The following EP300 variants were observed in gnomAD, a reference collection of about 807,000 sequenced individuals.
EP300 encodes the protein EP300 lysine acetyltransferase.
EP300 carries 31 observed loss-of-function variants against 264.0 expected under a neutral mutation model. That is an observed-to-expected ratio of 0.12 (90% CI 0.09 to 0.16). The LOEUF (loss-of-function observed/expected upper bound fraction) is 0.16. EP300 is among the 10% of genes least tolerant of loss of function. The probability of loss-of-function intolerance (pLI) is 1.00; values close to 1 mark genes in which losing one functional copy is unlikely to be tolerated. For synonymous variants in EP300, 1,340 were observed against 1,045.4 expected, an observed-to-expected ratio of 1.28 and a Z score of -5.44; for missense variants, 2,766 against 3,052.9, an observed-to-expected ratio of 0.91 and a Z score of 2.21.
intron 8 of EP300, among the ~76,000 whole-genome samples, chr22:41,138,305 A>G (rs2058963599): frequency 6.6e-6 from 1 of 152,164 alleles, no homozygotes; most frequent in African/African-American, 2.4e-5. Flanking sequence ...CTGGGACTAC[A>G]GGCACGTGCC....
At chr22:41,158,813 C>T (rs2059091947) in intron 19 of EP300, 1 of 333,030 alleles carries the variant, frequency 3.0e-6, no homozygotes, top group South Asian at 3.4e-5. Flanking sequence ...TTGATCACCA[C>T]AGCCTGAGGC....
At chr22:41,147,572 A>G (rs2059018513) in intron 11 of EP300, among the ~76,000 whole-genome samples, 1 of 151,966 alleles carries the variant, frequency 6.6e-6, no homozygotes, top group South Asian at 2.1e-4. Flanking sequence ...CCCCGTCTCT[A>G]CTAAAAATAC....
chr22:41,135,919 G>A lies in EP300; in HGVS notation c.1622+13G>A, dbSNP rs750434376. The A allele has an allele frequency of 1.3e-5, 21 of 1,579,940 alleles. No individual in the cohort carries two copies. Among genetic ancestry groups the A allele is most frequent in the Admixed American group, 1.7e-5 (1 of 59,962 alleles). ...TAAATTCTCAAAAGTAAGTCTTAAC[G>A]TGATTTATACCCTGGGTCACATTAC... On this transcript the variant is annotated intron_variant, in intron 7 of 30. Coordinates refer to ENST00000263253, the MANE Select transcript of EP300 (RefSeq NM_001429.4).
chr22:41,116,143 T>G (rs2058820148), intron 1 of EP300, among the ~76,000 whole-genome samples: 1 of 152,184 alleles, frequency 6.6e-6, no homozygotes, highest in Non-Finnish European at 1.5e-5. Context: ...TAATGGGTGT[T>G]GCACTTTTTT....
chr22:41,178,331 A>G lies in EP300; in HGVS notation c.6620A>G (p.Asn2207Ser). 4 of 1,614,142 alleles carry G rather than the reference A, an allele frequency of 2.5e-6. No individual in the cohort carries two copies. The highest frequency in any genetic ancestry group is 3.4e-6 in the Non-Finnish European group (4 of 1,180,012). The change falls in exon 31 of 31, where the codon AAC (asparagine) becomes AGC (serine). Residue 2207 changes from asparagine (N) to serine (S), a missense_variant. Coordinates refer to ENST00000263253, the MANE Select transcript of EP300 (RefSeq NM_001429.4). ...AGPGIGPGMA[N>S]HNQFQQPQGV... ...CCAGGAATAGGCCCTGGAATGGCCA[A>G]CCATAACCAGTTCCAGCAACCCCAA...
chr22:41,163,953 C>A, intron 21 of EP300, 100 bp from the exon 22 acceptor site: 3 of 1,077,324 alleles, frequency 2.8e-6, no homozygotes, highest in Non-Finnish European at 4.3e-6. Context: ...GTTCTTTGGT[C>A]ATGACCTTGG....
chr22:41,178,282 C>T lies in EP300; in HGVS notation c.6571C>T (p.Gln2191Ter). Residue 2191 changes from glutamine (Q) to a stop codon, truncating the protein, a stop_gained, in exon 31 of 31, where the codon CAG becomes TAG. Transcript: ENST00000263253. LOFTEE classifies it high-confidence loss of function. ...CTTGAGACGACAGCAAATGATGCAA[C>T]AGCAGCAGCAACAGGGAGCAGGGCC... Reference protein sequence around the residue: ...DILRRQQMMQQQQQQGAGPGI... With the variant: ...DILRRQQMMQ 6.2e-7 allele frequency: 1 copy of T among 1,613,686 alleles called. No individual in the cohort carries two copies. The highest frequency in any genetic ancestry group is 8.5e-7 in the Non-Finnish European group (1 of 1,179,888).
At chr22:41,095,316 C>T (rs1182988410) in intron 1 of EP300, among the ~76,000 whole-genome samples, 1 of 145,068 alleles carries the variant, frequency 6.9e-6, no homozygotes, top group South Asian at 2.3e-4. Context: ...CTCACTACAA[C>T]CTCTGCCTCC....
chr22:41,096,465 C>T (rs992318549), intron 1 of EP300, among the ~76,000 whole-genome samples: 30 of 151,858 alleles, frequency 2.0e-4, no homozygotes, highest in African/African-American at 7.3e-4. Context: ...GTTTTGTGGC[C>T]CTGGGTTTTG....
At position 41,117,243 on chromosome 22, in the gene EP300, A is replaced by G. The variant is rs2058826373; in HGVS notation, c.151A>G (p.Thr51Ala). Residue 51 changes from threonine to alanine, a missense_variant, in exon 2 of 31, where the codon ACA becomes GCA. Physicochemically the swap from Thr to Ala is moderately conservative, Grantham distance 58. Coordinates refer to ENST00000263253, the MANE Select transcript of EP300 (RefSeq NM_001429.4). ...CTTACCAGATGAATTAATCAACTCT[A>G]CAGAATTGGGACTAACCAATGGTGG... is the stretch of plus-strand genomic sequence containing the variant. ...HDLPDELINS[T>A]ELGLTNGGDI... 1.3e-5 allele frequency: 21 copies of G among 1,614,206 alleles called. No homozygotes were observed. Among genetic ancestry groups the G allele is most frequent in the Middle Eastern group, 1.6e-4 (1 of 6,062 alleles).
chr22:41,158,388 T>C (rs2145749368), intron 18 of EP300, 24 bp from the exon 19 acceptor site: 3 of 1,611,704 alleles, frequency 1.9e-6, no homozygotes, highest in Non-Finnish European at 2.5e-6. Context: ...CTCTGTGCTT[T>C]TTAACAAATG....
In EP300 at chr22:41,167,584, G is replaced by GTATA. The variant is rs56131556; in HGVS notation, c.3875-816_3875-813dup. ...TTTGTGTGTGTGTGTGTGTGTGTGTGTATATATATATATATATATATATAT... is the reference window on the plus strand; with the variant it reads ...TTTGTGTGTGTGTGTGTGTGTGTGTGTATATATATATATATATATATATATATAT... On this transcript the variant is annotated intron_variant, in intron 23 of 30. Transcript: ENST00000263253. Among the ~76,000 whole-genome samples the GTATA allele has an allele frequency of 7.0e-3, 240 of 34,114 alleles. 2 individuals carry two copies. Among genetic ancestry groups the GTATA allele is most frequent in the Non-Finnish European group, 8.8e-3 (180 of 20,518 alleles). 22.4% of individuals were successfully genotyped at this position (34,114 alleles called of 152,430 possible).
At chr22:41,171,992 T>G (rs1380565279) in intron 27 of EP300, among the ~76,000 whole-genome samples, 1 of 152,208 alleles carries the variant, frequency 6.6e-6, no homozygotes, top group Non-Finnish European at 1.5e-5. Flanking sequence ...CTTCCTCAAT[T>G]TAGTAGTTCA....
intron 10 of EP300, 70 bp downstream of exon 10, chr22:41,141,292 A>G: frequency 6.6e-7 from 1 of 1,523,588 alleles, no homozygotes; most frequent in Non-Finnish European, 9.1e-7. Context: ...TAAAGTCATT[A>G]ATTTCTGTAA....
At chr22:41,127,244 C>T (rs1010805581) in intron 3 of EP300, among the ~76,000 whole-genome samples, 4 of 152,084 alleles carry the variant, frequency 2.6e-5, no homozygotes, top group Admixed American at 6.6e-5. Context: ...ATGTCCTTCT[C>T]TCTGCTTTTG....
At chr22:41,175,657 G>GT (rs908783195) in intron 29 of EP300, among the ~76,000 whole-genome samples, 1 of 152,190 alleles carries the variant, frequency 6.6e-6, no homozygotes, top group Non-Finnish European at 1.5e-5. Context: ...TCCATATTTG[G>GT]ATTTGTCTGG....
In EP300 at chr22:41,147,889, G is replaced by T. The variant is rs187938527; in HGVS notation, c.2184G>T (p.Arg728=). The T allele has an allele frequency of 1.2e-5, 19 of 1,614,012 alleles. No homozygotes were observed. In the Admixed American group the frequency reaches 1.7e-4, roughly 14 times the overall value. The change falls in exon 12 of 31, where the codon CGG becomes CGT. Residue 728 remains arginine (R), a synonymous_variant. Transcript: ENST00000263253. Reference sequence around the variant, plus strand: ...TGGCCCAGCCCCCTATTGTACCCCGGCAAACCCCTCCTCTTCAGCACCATG... The same window carrying T: ...TGGCCCAGCCCCCTATTGTACCCCGTCAAACCCCTCCTCTTCAGCACCATG... The part of the protein sequence containing the change: ...MSMAQPPIVP[R]QTPPLQHHGQ...
rs780579609 is a variant in EP300 at position 41,177,172 on chromosome 22, C to A, written c.5461C>A (p.Arg1821=). 1.8e-5 allele frequency: 29 copies of A among 1,614,110 alleles called. No homozygotes were observed. In the Admixed American group the frequency reaches 4.8e-4, roughly 27 times the overall value. The part of the protein sequence containing the change: ...QKLRQQQLQH[R]LQQAQMLRRR... ...GCTCCGGCAGCAACAGCTGCAGCAC[C>A]GACTACAGCAGGCCCAAATGCTTCG... Residue 1821 remains arginine (R), a synonymous_variant, in exon 31 of 31, where the codon CGA becomes AGA. Transcript: ENST00000263253.
chr22:41,151,946 G>T lies in EP300; in HGVS notation c.2931G>T (p.Lys977Asn), dbSNP rs749225428. The change falls in exon 15 of 31, where the codon AAG becomes AAT. Residue 977 changes from lysine to asparagine, a missense_variant. Coordinates refer to ENST00000263253, the MANE Select transcript of EP300 (RefSeq NM_001429.4). ...AGAAGCAGCCTTCCCAGGAAGTGAA[G>T]ATGGAGGCCAAAATGGAAGTGGATC... ...IAEKQPSQEV[K>N]MEAKMEVDQP... is the part of the protein sequence containing the mutation. 6.2e-7 allele frequency: 1 copy of T among 1,614,148 alleles called. No homozygotes were observed. The highest frequency in any genetic ancestry group is 1.1e-5 in the South Asian group (1 of 91,082).
Sources: gnomAD v4.1 joint callset for allele counts (sites outside exome capture counted in the v4.1 genomes callset) on GRCh38, gnomAD v4.1.1 for gene constraint, MANE v1.5 for transcripts, NCBI Gene and HGNC (gene_info 2026-07-23, HGNC 2026-07-21) for gene names.